The following RALGAPA1 variants were observed in gnomAD, a reference collection of about 807,000 sequenced individuals.
RALGAPA1 encodes ral GTPase-activating protein subunit alpha-1.
RALGAPA1 carries 52 observed loss-of-function variants against 269.6 expected under a neutral mutation model. The observed-to-expected ratio is 0.19, with a 90% CI of 0.15 to 0.24. RALGAPA1 has a LOEUF of 0.24. RALGAPA1 is among the 10% of genes least tolerant of loss of function. The probability of loss-of-function intolerance (pLI) is 1.00; values close to 1 mark genes in which losing one functional copy is unlikely to be tolerated. For synonymous variants in RALGAPA1, 817 were observed against 1,008.3 expected (o/e 0.81, Z 3.60); for missense variants, 1,917 against 3,013.9 (o/e 0.64, Z 8.52).
intron 35 of RALGAPA1, among the ~76,000 whole-genome samples, chr14:35,617,229 C>A (rs555029338): frequency 4.6e-5 from 7 of 152,110 alleles, no homozygotes; most frequent in African/African-American, 1.7e-4. Context: ...CACCTGTAAT[C>A]CCAGCACTTT....
chr14:35,625,272 T>C lies in RALGAPA1; in HGVS notation c.6929+89A>G, dbSNP rs533264629. 2.7e-5 allele frequency: 24 copies of C among 877,408 alleles called. No individual in the cohort carries two copies. In the African/African-American group the frequency reaches 3.8e-4, roughly 14 times the overall value. The allele number at this position is 877,408 out of a possible 1,614,324, so 54.4% of individuals were successfully genotyped here. On this transcript the variant is annotated intron_variant, in intron 35 of 41. Transcript: ENST00000680220. Reference sequence around the variant, plus strand: ...GTTATAAATCAATAACACAGTATTATATACTATTTAAAATATTATTCACAG... The same window carrying C: ...GTTATAAATCAATAACACAGTATTACATACTATTTAAAATATTATTCACAG...
chr14:35,696,724 G>A (rs2066931245), intron 17 of RALGAPA1, among the ~76,000 whole-genome samples: 1 of 152,040 alleles, frequency 6.6e-6, no homozygotes, highest in Non-Finnish European at 1.5e-5. Flanking sequence ...GATTGTCTAT[G>A]AGTCGTTTCA....
chr14:35,579,265 A>G (rs549562143), intron 37 of RALGAPA1, among the ~76,000 whole-genome samples: 48 of 152,262 alleles, frequency 3.2e-4, no homozygotes, highest in Admixed American at 2.6e-3. Context: ...AAAAGGAAAA[A>G]GACAGGAGAT....
chr14:35,629,806 G>T (rs552791530), intron 33 of RALGAPA1, among the ~76,000 whole-genome samples: 3 of 152,244 alleles, frequency 2.0e-5, no homozygotes, highest in Admixed American at 6.5e-5. Context: ...GCCAAATACA[G>T]ATTTAAGAAT....
intron 14 of RALGAPA1, chr14:35,723,535 A>T (rs1359772257): frequency 4.5e-6 from 1 of 222,734 alleles, no homozygotes; most frequent in African/African-American, 2.3e-5. Context: ...GCATTATATT[A>T]ATGTTAAATA....
intron 1 of RALGAPA1, among the ~76,000 whole-genome samples, chr14:35,799,682 G>A (rs2076836701): frequency 6.6e-6 from 1 of 151,924 alleles, no homozygotes; most frequent in African/African-American, 2.4e-5. Flanking sequence ...GGAGAAAAAA[G>A]GGTACTAAGG....
intron 26 of RALGAPA1, among the ~76,000 whole-genome samples, chr14:35,669,658 G>T (rs1239087983): frequency 6.6e-6 from 1 of 152,134 alleles, no homozygotes; most frequent in Non-Finnish European, 1.5e-5. Context: ...ACCCAAGCAG[G>T]TCAGCTCTAG....
At chr14:35,780,894 C>A (rs1056895991) in intron 1 of RALGAPA1, among the ~76,000 whole-genome samples, 1 of 152,098 alleles carries the variant, frequency 6.6e-6, no homozygotes, top group African/African-American at 2.4e-5. Flanking sequence ...CAGTTTACAA[C>A]CAGCCCGGGC....
chr14:35,594,759 TA>T (rs1210641535), intron 37 of RALGAPA1, among the ~76,000 whole-genome samples: 4 of 150,726 alleles, frequency 2.7e-5, no homozygotes, highest in Non-Finnish European at 5.9e-5. Flanking sequence ...TTAAAGAAAT[TA>T]AACATAGAAC....
At chr14:35,680,166 C>A (rs2065296589) in intron 21 of RALGAPA1, among the ~76,000 whole-genome samples, 1 of 152,074 alleles carries the variant, frequency 6.6e-6, no homozygotes, top group Non-Finnish European at 1.5e-5. Flanking sequence ...TTGTTTTGAT[C>A]CATAAAAATC....
chr14:35,711,595 G>A (rs2068346366), intron 16 of RALGAPA1, among the ~76,000 whole-genome samples: 1 of 152,172 alleles, frequency 6.6e-6, no homozygotes, highest in South Asian at 2.1e-4. Context: ...GTACAGATGT[G>A]AGCCACCACA....
intron 6 of RALGAPA1, among the ~76,000 whole-genome samples, chr14:35,760,181 T>C (rs192968890): frequency 6.6e-6 from 1 of 152,336 alleles, no homozygotes; most frequent in Admixed American, 6.5e-5. Context: ...AAATGTTAAA[T>C]GATCTGTATT....
At position 35,655,790 on chromosome 14, in the gene RALGAPA1, T is replaced by C; in HGVS notation, c.5496+17A>G. 6.2e-7 allele frequency: 1 copy of C among 1,609,016 alleles called. No individual in the cohort carries two copies. The highest frequency in any genetic ancestry group is 8.5e-7 in the Non-Finnish European group (1 of 1,178,684). On this transcript the variant is annotated intron_variant, in intron 29 of 41. Transcript: ENST00000680220. ...TCTCTCCTATCTTAATATATTTCACTAAACAGTTTTCTTTACCTTTAAGGA... is the reference window on the plus strand; with the variant it reads ...TCTCTCCTATCTTAATATATTTCACCAAACAGTTTTCTTTACCTTTAAGGA...
At chr14:35,548,902 C>G (rs748140476) in intron 40 of RALGAPA1, among the ~76,000 whole-genome samples, 1 of 152,040 alleles carries the variant, frequency 6.6e-6, no homozygotes, top group Non-Finnish European at 1.5e-5. Flanking sequence ...GGTACATGTA[C>G]TTTTATGAAG....
rs1334480202 is a variant in RALGAPA1, at chr14:35,572,596, A to C, written c.7332T>G (p.Asn2444Lys). The stretch of plus-strand genomic sequence containing the variant: ...TCATTATCTGAATACTGAACATGTG[A>C]TTTTTCATTGGATATATTACAATAA... ...DVLIVIYPMK[N>K]HMFSIQIMKK... The change falls in exon 38 of 42, where the codon AAT (asparagine) becomes AAG (lysine). Residue 2444 changes from asparagine to lysine, a missense_variant. Around this residue, in one of 11 missense-constraint regions of RALGAPA1, gnomAD observed 91 missense variants for 130.9 expected, o/e 0.70. Transcript: ENST00000680220. 1.2e-6 allele frequency: 2 copies of C among 1,604,834 alleles called. No individual in the cohort carries two copies. The highest frequency in any genetic ancestry group is 1.7e-6 in the Non-Finnish European group (2 of 1,176,490).
intron 31 of RALGAPA1, among the ~76,000 whole-genome samples, chr14:35,646,575 T>C (rs1327966356): frequency 6.6e-6 from 1 of 152,080 alleles, no homozygotes; most frequent in Non-Finnish European, 1.5e-5. Flanking sequence ...GGTCAAGAAA[T>C]ATAGAAAGAT....
chr14:35,785,840 C>T (rs994141361), intron 1 of RALGAPA1, among the ~76,000 whole-genome samples: 1 of 152,088 alleles, frequency 6.6e-6, no homozygotes, highest in Non-Finnish European at 1.5e-5. Context: ...AAACTAGTAC[C>T]AGTTTGTGGA....
rs1287653320 is a variant in RALGAPA1, at chr14:35,538,712, A to G, written c.*1002T>C. 6.6e-6 allele frequency: 1 copy of G among 152,166 alleles called. No individual in the cohort carries two copies. The highest frequency in any genetic ancestry group is 1.9e-4 in the East Asian group (1 of 5,186). The allele number at this position is 152,166 out of a possible 1,614,324, so 9.4% of individuals were successfully genotyped here. On this transcript the variant is annotated 3_prime_UTR_variant, in exon 42 of 42. Coordinates refer to ENST00000680220, the MANE Select transcript of RALGAPA1 (RefSeq NM_001346249.2). Reference sequence around the variant, plus strand: ...ATAATACTCATAATTTGAACAACATATTTATATCAGAAAATTTTCCTTCTT... The same window carrying G: ...ATAATACTCATAATTTGAACAACATGTTTATATCAGAAAATTTTCCTTCTT...
At chr14:35,701,245 T>C (rs1240923180) in intron 16 of RALGAPA1, among the ~76,000 whole-genome samples, 1 of 152,204 alleles carries the variant, frequency 6.6e-6, no homozygotes. Context: ...ATAGGTATTG[T>C]TACACATGAA....
Sources: gnomAD v4.1 joint callset for allele counts (sites outside exome capture counted in the v4.1 genomes callset) on GRCh38, gnomAD v4.1.1 for gene constraint, gnomAD v4.1.1 regional missense constraint, MANE v1.5 for transcripts, NCBI Gene and HGNC (gene_info 2026-07-23, HGNC 2026-07-21) for gene names.